ULK2: variants seen among roughly 807,000 people sequenced by gnomAD.
ULK2 encodes the protein serine/threonine-protein kinase ULK2.
In ULK2, 76 loss-of-function variants were observed where a neutral mutation model predicts 127.5. That is an observed-to-expected ratio of 0.60 (90% CI 0.50 to 0.72). The LOEUF is 0.72. ULK2 is among the 30% of genes least tolerant of loss of function. ULK2 has a pLI of 0.00. For synonymous variants in ULK2, 452 were observed against 461.9 expected, an observed-to-expected ratio of 0.98 and a Z score of 0.28; for missense variants, 1,144 against 1,295.9, an observed-to-expected ratio of 0.88 and a Z score of 1.80.
At chr17:19,781,189 T>C in intron 23 of ULK2, 85 bp from the exon 24 acceptor site, 1 of 1,073,678 alleles carries the variant, frequency 9.3e-7, no homozygotes, top group Non-Finnish European at 1.4e-6. Context: ...CCATTAAAAT[T>C]GCCTTTCTAT....
intron 3 of ULK2, among the ~76,000 whole-genome samples, chr17:19,857,307 CAA>C (rs11351804): frequency 1.2e-3 from 85 of 72,778 alleles, no homozygotes; most frequent in African/African-American, 1.9e-3. Context: ...GACTCTGTCT[CAA>C]AAAAAAAAAA....
intron 3 of ULK2, among the ~76,000 whole-genome samples, chr17:19,857,419 G>A (rs2042157715): frequency 6.6e-6 from 1 of 151,948 alleles, no homozygotes; most frequent in Non-Finnish European, 1.5e-5. Flanking sequence ...GGATTGTACA[G>A]TCATTTAAAT....
At chr17:19,776,775 A>C (rs1447701092) in intron 26 of ULK2, among the ~76,000 whole-genome samples, 1 of 152,130 alleles carries the variant, frequency 6.6e-6, no homozygotes, top group African/African-American at 2.4e-5. Flanking sequence ...ATCAATCTCC[A>C]GTCTGCTATC....
intron 13 of ULK2, among the ~76,000 whole-genome samples, chr17:19,810,666 T>G (rs1361228695): frequency 6.6e-6 from 1 of 152,240 alleles, no homozygotes; most frequent in Non-Finnish European, 1.5e-5. Flanking sequence ...ATTTGAGGTC[T>G]TCTTCAAAAT....
At chr17:19,863,143 G>C (rs932346781) in intron 3 of ULK2, among the ~76,000 whole-genome samples, 1 of 151,968 alleles carries the variant, frequency 6.6e-6, no homozygotes, top group African/African-American at 2.4e-5. Context: ...TAACCCGGGG[G>C]GGCAGAGGTT....
At chr17:19,833,730 A>C (rs1210111417) in intron 10 of ULK2, among the ~76,000 whole-genome samples, 1 of 152,222 alleles carries the variant, frequency 6.6e-6, no homozygotes, top group East Asian at 1.9e-4. Flanking sequence ...AACAATCAGC[A>C]AGGCTGAGAA....
rs769515650 is a variant in ULK2, at chr17:19,867,401, T to G, written c.17A>C (p.Asp6Ala). 6.3e-6 allele frequency: 10 copies of G among 1,599,456 alleles called. No homozygotes were observed. The highest frequency in any genetic ancestry group is 8.5e-6 in the Non-Finnish European group (10 of 1,174,490). The change falls in exon 1 of 27, where the codon GAC becomes GCC. Residue 6 changes from aspartate to alanine, a missense_variant. Physicochemically the swap from Asp to Ala is moderately radical, Grantham distance 126. Transcript: ENST00000395544. ...GAGATCCCTCTTGCTGTACTCGAAG[T>G]CACCCACCACCTCCATGGCCGCGCC... MEVVG[D>A]FEYSKRDLVG...
chr17:19,776,710 T>G (rs1202635775), intron 26 of ULK2, among the ~76,000 whole-genome samples: 1 of 152,102 alleles, frequency 6.6e-6, no homozygotes, highest in African/African-American at 2.4e-5. Flanking sequence ...CACCTCTGCC[T>G]AAAAAACCAG....
chr17:19,841,429 G>T, intron 9 of ULK2, 60 bp downstream of exon 9: 1 of 1,450,070 alleles, frequency 6.9e-7, no homozygotes, highest in Non-Finnish European at 9.4e-7. Context: ...AACACAAACA[G>T]TTCAAATAAA....
Position 19,865,869 on chromosome 17 carries a change from C to T in ULK2, c.91-41G>A, listed in dbSNP as rs780582609. The T allele has an allele frequency of 2.1e-5, 26 of 1,229,490 alleles. 1 individual carries two copies. In the South Asian group the frequency reaches 3.5e-4, roughly 17 times the overall value. The allele number at this position is 1,229,490 out of a possible 1,614,324, so 76.2% of individuals were successfully genotyped here. ...AGTGTTACTCCTAGATACCATTCCA[C>T]ATAAATAACAGAAAAAAATTTACAA... On this transcript the variant is annotated intron_variant, in intron 1 of 26. Coordinates refer to ENST00000395544, the MANE Select transcript of ULK2 (RefSeq NM_014683.4).
At chr17:19,862,773 G>A (rs1025440428) in intron 3 of ULK2, among the ~76,000 whole-genome samples, 1 of 151,934 alleles carries the variant, frequency 6.6e-6, no homozygotes, top group African/African-American at 2.4e-5. Flanking sequence ...GCTGAAAAAT[G>A]ACAGTATTTT....
intron 18 of ULK2, 77 bp from the exon 19 acceptor site, chr17:19,796,359 TGTGACCCAGTAGTCA>T (rs2087272425): frequency 6.8e-6 from 9 of 1,326,946 alleles, no homozygotes; most frequent in Non-Finnish European, 8.9e-6. Flanking sequence ...GGCAGGTTTG[TGTGACCCAGTAGTCA>T]GGAGCATGTA....
intron 14 of ULK2, among the ~76,000 whole-genome samples, chr17:19,805,299 A>C (rs1403214413): frequency 1.3e-5 from 2 of 152,238 alleles, no homozygotes; most frequent in East Asian, 3.9e-4. Flanking sequence ...ATCTTGCACA[A>C]ACTCTCAAAG....
intron 7 of ULK2, among the ~76,000 whole-genome samples, chr17:19,843,494 C>A (rs2041812313): frequency 1.3e-5 from 2 of 151,686 alleles, no homozygotes; most frequent in Non-Finnish European, 2.9e-5. Context: ...ACATAAAGTA[C>A]AGTAAGAGGG....
At chr17:19,826,223 C>T (rs1281496153) in intron 10 of ULK2, 37 bp from the exon 11 acceptor site, 5 of 1,290,494 alleles carry the variant, frequency 3.9e-6, no homozygotes, top group Non-Finnish European at 4.2e-6. Flanking sequence ...TTTAAAGAGA[C>T]ATTGACTAAA....
intron 20 of ULK2, among the ~76,000 whole-genome samples, chr17:19,789,921 A>C (rs1199685287): frequency 2.0e-5 from 3 of 151,830 alleles, no homozygotes; most frequent in East Asian, 1.9e-4. Context: ...AAAAAAAAAA[A>C]AAAACAAAAA....
At chr17:19,809,603 C>T (rs1303104328) in intron 14 of ULK2, among the ~76,000 whole-genome samples, 2 of 151,752 alleles carry the variant, frequency 1.3e-5, no homozygotes, top group African/African-American at 2.4e-5. Flanking sequence ...CATGGTGGTG[C>T]GTACCTGTAA....
At chr17:19,839,348 T>C (rs2041678781) in intron 9 of ULK2, among the ~76,000 whole-genome samples, 2 of 152,010 alleles carry the variant, frequency 1.3e-5, no homozygotes, top group Non-Finnish European at 2.9e-5. Flanking sequence ...CAGTACACAA[T>C]TCAAAGAATA....
At chr17:19,849,664 T>G in intron 4 of ULK2, 78 bp downstream of exon 4, 9 of 1,029,066 alleles carry the variant, frequency 8.7e-6, no homozygotes, top group Non-Finnish European at 1.3e-5. Flanking sequence ...ATTTGAAATA[T>G]GCAGATTTAT....
Sources: gnomAD v4.1 joint callset for allele counts (sites outside exome capture counted in the v4.1 genomes callset) on GRCh38, gnomAD v4.1.1 for gene constraint, MANE v1.5 for transcripts, NCBI Gene and HGNC (gene_info 2026-07-23, HGNC 2026-07-21) for gene names.